Variants in EZH1 observed in about 807,000 individuals in gnomAD.
EZH1 encodes the protein histone-lysine N-methyltransferase EZH1.
EZH1 carries 33 observed loss-of-function variants against 100.5 expected under a neutral mutation model. That is an observed-to-expected ratio of 0.33 (90% CI 0.25 to 0.44). The LOEUF (loss-of-function observed/expected upper bound fraction) is 0.44, where lower values mean the gene tolerates loss of function less well. Among genes scored for constraint, EZH1 ranks in the 20% least tolerant of loss-of-function variants. The pLI is 1.00. For missense variants in EZH1, 475 were observed against 928.4 expected (o/e 0.51, Z 6.35); for synonymous variants, 272 against 313.8 (o/e 0.87, Z 1.41).
chr17:42,713,431 A>G, intron 10 of EZH1, 42 bp from the exon 11 acceptor site: 1 of 1,541,446 alleles, frequency 6.5e-7, no homozygotes, highest in Non-Finnish European at 8.8e-7. Context: ...GAACAGGCCC[A>G]TCACCATATT....
At chr17:42,738,501 G>GTGA (rs1158837894) in intron 1 of EZH1, among the ~76,000 whole-genome samples, 2 of 150,694 alleles carry the variant, frequency 1.3e-5, no homozygotes, top group Non-Finnish European at 3.0e-5. Flanking sequence ...GATTACAGAC[G>GTGA]TGAGCCACCG....
chr17:42,726,492 A>G (rs62078422), intron 4 of EZH1, among the ~76,000 whole-genome samples: 2 of 23,848 alleles, frequency 8.4e-5, no homozygotes, highest in Admixed American at 3.1e-4. Context: ...AAATAATAAT[A>G]ATGATAATTT....
chr17:42,702,773 C>G, intron 20 of EZH1, 104 bp downstream of exon 20: 1 of 1,348,022 alleles, frequency 7.4e-7, no homozygotes, highest in Non-Finnish European at 1.1e-6. Flanking sequence ...CCGGGAGACT[C>G]TCTCCTCCAT....
At chr17:42,727,868 G>A in intron 3 of EZH1, 105 bp from the exon 4 acceptor site, 1 of 835,988 alleles carries the variant, frequency 1.2e-6, no homozygotes, top group Non-Finnish European at 1.6e-6. Flanking sequence ...CCAGGCTGGA[G>A]TGTAGTAGCG....
In EZH1 at chr17:42,733,197, C is replaced by A. The variant is rs949216424; in HGVS notation, c.-102-2279G>T. On this transcript the variant is annotated intron_variant, in intron 1 of 20. Coordinates refer to ENST00000428826, the MANE Select transcript of EZH1 (RefSeq NM_001991.5). Reference sequence around the variant, plus strand: ...TACTAAAAATACAAAATTAGCCGGGCGTGGTGGCGCATGCCTATAATCCCA... The same window carrying A: ...TACTAAAAATACAAAATTAGCCGGGAGTGGTGGCGCATGCCTATAATCCCA... Among the ~76,000 whole-genome samples the A allele has an allele frequency of 1.1e-4, 16 of 151,626 alleles. No homozygotes were observed. In the South Asian group the frequency reaches 1.7e-3, roughly 16 times the overall value.
In EZH1 at chr17:42,708,254, G is replaced by A; in HGVS notation, c.1535-171C>T. The A allele has an allele frequency of 1.0e-5, 7 of 696,232 alleles. No homozygotes were observed. The South Asian group carries it at 1.2e-4, about 12-fold the overall frequency. The allele number at this position is 696,232 out of a possible 1,614,324, so 43.1% of individuals were successfully genotyped here. A position where few individuals can be genotyped will look rare whatever the true frequency, so the allele number is the denominator to read the frequency against. On this transcript the variant is annotated intron_variant, in intron 14 of 20. Transcript: ENST00000428826. ...GGATGACCGTTGTTCATAAGCTGCAGTGGGGTGATCTGCTTTGTGGGGAGG... is the reference window on the plus strand; with the variant it reads ...GGATGACCGTTGTTCATAAGCTGCAATGGGGTGATCTGCTTTGTGGGGAGG...
rs2053352071 is a variant in EZH1, at chr17:42,706,266, A to C, written c.1661-81T>G. On this transcript the variant is annotated intron_variant, in intron 15 of 20. Coordinates refer to ENST00000428826, the MANE Select transcript of EZH1 (RefSeq NM_001991.5). The surrounding 1 kb of genome is among the most constrained non-coding windows in gnomAD (Gnocchi z 4.4). ...GTGGTTGACTCAAGGGACAGCAAAGAAGTAAATTTTTTGTGTTCAAGGATG... is the reference window on the plus strand; with the variant it reads ...GTGGTTGACTCAAGGGACAGCAAAGCAGTAAATTTTTTGTGTTCAAGGATG... 1.5e-6 allele frequency: 2 copies of C among 1,315,044 alleles called. No homozygotes were observed. Among genetic ancestry groups the C allele is most frequent in the Admixed American group, 5.2e-5 (2 of 38,470 alleles). 81.5% of individuals were successfully genotyped at this position (1,315,044 alleles called of 1,614,324 possible). A position where few individuals can be genotyped will look rare whatever the true frequency, so the allele number is the denominator to read the frequency against.
chr17:42,742,541 G>A (rs949161619), intron 1 of EZH1, among the ~76,000 whole-genome samples: 1 of 152,116 alleles, frequency 6.6e-6, no homozygotes, highest in East Asian at 1.9e-4. Flanking sequence ...CAAGTTCCAC[G>A]ATTAGCATAC....
intron 8 of EZH1, 27 bp downstream of exon 8, chr17:42,719,078 T>C: frequency 6.4e-7 from 1 of 1,565,090 alleles, no homozygotes; most frequent in Non-Finnish European, 8.8e-7. Flanking sequence ...ACTCTGTATA[T>C]GGCCTAAGTG....
Position 42,704,434 on chromosome 17 carries a change from G to A in EZH1, c.2017+168C>T, listed in dbSNP as rs903664927. Among the ~76,000 whole-genome samples, 8 of 152,024 alleles carry A rather than the reference G, an allele frequency of 5.3e-5. No individual in the cohort carries two copies. In the East Asian group the frequency reaches 9.6e-4, roughly 18 times the overall value. Reference sequence around the variant, plus strand: ...CAGGTGCTTGTAGTCCCAGCTACTCGGGAGGCTGAGGCAGGAGAATCACTT... The same window carrying A: ...CAGGTGCTTGTAGTCCCAGCTACTCAGGAGGCTGAGGCAGGAGAATCACTT... On this transcript the variant is annotated intron_variant, in intron 18 of 20. Coordinates refer to ENST00000428826, the MANE Select transcript of EZH1 (RefSeq NM_001991.5).
intron 17 of EZH1, 118 bp downstream of exon 17, chr17:42,704,970 C>T (rs919418664): frequency 2.5e-5 from 22 of 889,188 alleles, no homozygotes; most frequent in African/African-American, 1.5e-4. Flanking sequence ...CAAGAGGCCA[C>T]GTGAGAACAC....
Position 42,720,252 on chromosome 17 carries a change from AAGGG to A in EZH1, c.664+17_664+20del. 1.2e-6 allele frequency: 2 copies of A among 1,601,050 alleles called. No homozygotes were observed. Among genetic ancestry groups the A allele is most frequent in the East Asian group, 4.5e-5 (2 of 44,770 alleles). On this transcript the variant is annotated intron_variant, in intron 7 of 20. Transcript: ENST00000428826. ...ATCCCTGTCACTTTAAAAAAGGAAT[AAGGG>A]AGCCAGTGCTACGTACCTTCAATAG...
rs1225713963 is a variant in EZH1, at chr17:42,710,778, G to A, written c.1402-841C>T. 3.5e-5 allele frequency among the ~76,000 whole-genome samples: 5 copies of A among 144,446 alleles called. No individual in the cohort carries two copies. In the East Asian group the frequency reaches 7.9e-4, roughly 23 times the overall value. The allele number at this position is 144,446 out of a possible 152,430, so 94.8% of individuals were successfully genotyped here. On this transcript the variant is annotated intron_variant, in intron 12 of 20. Transcript: ENST00000428826. ...TCCTGAGTACTAGGACTACAGGTAC[G>A]TGGCTTTTTTTTTTTTTTTTTTTTT...
At position 42,720,342 on chromosome 17, in the gene EZH1, C is replaced by T. The variant is rs748900681; in HGVS notation, c.595G>A (p.Asp199Asn). The change falls in exon 7 of 21, where the codon GAT becomes AAT. Residue 199 changes from aspartate (D) to asparagine (N), a missense_variant. Physicochemically the swap from Asp to Asn is conservative, Grantham distance 23. This residue lies in a region of EZH1 where 180 missense variants were observed against 295.3 expected (regional missense o/e 0.61). Transcript: ENST00000428826. ...TCTTTGCTGTCATCCTGCTTTCCAT[C>T]TGAGGTGTCATTGTGCCCTTCCTCC... Reference protein sequence around the residue: ...EEEEGHNDTSDGKQDDSKEDL... With the variant: ...EEEEGHNDTSNGKQDDSKEDL... The T allele has an allele frequency of 6.2e-7, 1 of 1,614,192 alleles. No individual in the cohort carries two copies. The highest frequency in any genetic ancestry group is 1.3e-5 in the African/African-American group (1 of 75,058).
At chr17:42,714,321 T>G (rs920228891) in intron 10 of EZH1, 5 of 253,238 alleles carry the variant, frequency 2.0e-5, no homozygotes, top group African/African-American at 1.1e-4. Flanking sequence ...TTGACATACA[T>G]GTAGGCTTTC....
In EZH1 at chr17:42,700,762, T is replaced by A. The variant is rs2053224761; in HGVS notation, c.*1770A>T. 6.6e-6 allele frequency: 1 copy of A among 152,574 alleles called. No homozygotes were observed. Among genetic ancestry groups the A allele is most frequent in the South Asian group, 2.1e-4 (1 of 4,830 alleles). 9.5% of individuals were successfully genotyped at this position (152,574 alleles called of 1,614,324 possible). A position where few individuals can be genotyped will look rare whatever the true frequency, so the allele number is the denominator to read the frequency against. ...GCGGATGCAGATTTCAGGATCATGCTGGGGCCTGGCCCATTTGGGTGGGAG... is the reference window on the plus strand; with the variant it reads ...GCGGATGCAGATTTCAGGATCATGCAGGGGCCTGGCCCATTTGGGTGGGAG... On this transcript the variant is annotated 3_prime_UTR_variant, in exon 21 of 21. Transcript: ENST00000428826.
At chr17:42,708,813 G>A in intron 14 of EZH1, 63 bp downstream of exon 14, 1 of 1,553,644 alleles carries the variant, frequency 6.4e-7, no homozygotes, top group Non-Finnish European at 8.9e-7. Context: ...AGGTGGGGTA[G>A]GGTGATGACC....
At chr17:42,707,317 G>A (rs911741361) in intron 15 of EZH1, among the ~76,000 whole-genome samples, 1 of 151,962 alleles carries the variant, frequency 6.6e-6, no homozygotes, top group Non-Finnish European at 1.5e-5. Context: ...CTGGAGTGCA[G>A]TGGCACAATC....
chr17:42,729,078 T>A, intron 2 of EZH1, 126 bp from the exon 3 acceptor site: 1 of 988,912 alleles, frequency 1.0e-6, no homozygotes, highest in Non-Finnish European at 1.4e-6. Context: ...AAAACACACA[T>A]TTAAAGAACC....
Sources: allele counts gnomAD v4.1 joint callset (sites outside exome capture counted in the v4.1 genomes callset), GRCh38; gene constraint gnomAD v4.1.1; regional missense constraint gnomAD v4.1.1; non-coding constraint Gnocchi (gnomAD v3.1); transcripts MANE v1.5; gene names NCBI Gene and HGNC (gene_info 2026-07-23, HGNC 2026-07-21).